The following CEP63 variants were observed in gnomAD, a reference collection of about 807,000 sequenced individuals.
CEP63 encodes the protein centrosomal protein 63, also known as centrosomal protein of 63 kDa.
A neutral mutation model predicts 89.1 loss-of-function variants in CEP63; 84 were observed. The observed-to-expected ratio is 0.94, with a 90% CI of 0.79 to 1.13. The LOEUF (loss-of-function observed/expected upper bound fraction) is 1.13, where lower values mean the gene tolerates loss of function less well. CEP63 is among the 50% of genes most tolerant of loss of function. The probability of loss-of-function intolerance (pLI) is 0.00; values close to 1 mark genes in which losing one functional copy is unlikely to be tolerated. For synonymous variants in CEP63, 267 were observed against 272.5 expected (o/e 0.98, Z 0.20); for missense variants, 838 against 813.3 (o/e 1.03, Z -0.37).
At chr3:134,628,129 G>A in the CEP63 span, 7 of 376,486 alleles carry the variant, frequency 1.9e-5, no homozygotes, top group South Asian at 2.4e-4. Context: ...GGAACCTGGT[G>A]TTCCTGCCCT....
At chr3:134,646,730 T>C in the CEP63 span, among the ~76,000 whole-genome samples, 935 of 152,300 alleles carry the variant, frequency 6.1e-3, 3 homozygotes, top group Non-Finnish European at 0.01. Flanking sequence ...ATCCTAGGGC[T>C]CACATAGCTG....
chr3:134,696,105 C>T, the CEP63 span, among the ~76,000 whole-genome samples: 8 of 152,158 alleles, frequency 5.3e-5, no homozygotes, highest in East Asian at 1.9e-4. Flanking sequence ...CACAGAGGAG[C>T]GTGTCATGTG....
chr3:134,507,013 C>A, intron 2 of CEP63, 96 bp from the exon 3 acceptor site: 8 of 731,170 alleles, frequency 1.1e-5, no homozygotes, highest in Non-Finnish European at 1.4e-5. Flanking sequence ...TTATTTACTT[C>A]AGGTAGATTT....
chr3:134,486,970 G>C (rs576411599), intron 1 of CEP63, among the ~76,000 whole-genome samples: 1 of 152,328 alleles, frequency 6.6e-6, no homozygotes, highest in South Asian at 2.1e-4. Context: ...GACATCAGGA[G>C]AGTAAAGATG....
At chr3:134,699,998 G>A in the CEP63 span, among the ~76,000 whole-genome samples, 1 of 152,252 alleles carries the variant, frequency 6.6e-6, no homozygotes, top group Non-Finnish European at 1.5e-5. Flanking sequence ...CATGTCAAGA[G>A]GCTCTCACTT....
chr3:134,614,422 C>A, the CEP63 span, among the ~76,000 whole-genome samples: 1 of 152,084 alleles, frequency 6.6e-6, no homozygotes, highest in Non-Finnish European at 1.5e-5. Context: ...ATGCCCTGAA[C>A]AAGCTGCCAA....
At chr3:134,593,254 CATT>C in the CEP63 span, among the ~76,000 whole-genome samples, 2 of 152,192 alleles carry the variant, frequency 1.3e-5, no homozygotes, top group South Asian at 2.1e-4. Context: ...GTGTCATCCT[CATT>C]ATGCTGATGA....
chr3:134,503,832 T>A (rs973799215), intron 2 of CEP63, among the ~76,000 whole-genome samples: 4 of 35,996 alleles, frequency 1.1e-4, no homozygotes, highest in African/African-American at 3.2e-4. Flanking sequence ...TACTCCTGCA[T>A]GTTTTTGGTT....
intron 3 of CEP63, among the ~76,000 whole-genome samples, chr3:134,513,998 C>G (rs9985341): frequency 0.66 from 100,237 of 151,998 alleles, 33,438 homozygotes; most frequent in East Asian, 0.81. Context: ...GACCAGGAGA[C>G]AAGACAACAC....
chr3:134,525,128 G>A (rs559979757), intron 3 of CEP63, among the ~76,000 whole-genome samples: 16 of 152,210 alleles, frequency 1.1e-4, no homozygotes, highest in African/African-American at 3.6e-4. Flanking sequence ...ATGTGTCCAC[G>A]AATTTATCCA....
chr3:134,565,105 T>G (rs1957693735), downstream of CEP63: 1 of 279,646 alleles, frequency 3.6e-6, no homozygotes, highest in Non-Finnish European at 5.4e-6. Flanking sequence ...ATGAAAAGAT[T>G]AGGGATTTGT....
the CEP63 span, chr3:134,620,742 G>A: frequency 3.1e-6 from 5 of 1,605,698 alleles, 1 homozygote; most frequent in South Asian, 4.4e-5. Flanking sequence ...TCCACAGGGG[G>A]GCCTACCTAT....
the CEP63 span, chr3:134,610,461 A>T: frequency 1.4e-5 from 19 of 1,311,772 alleles, no homozygotes; most frequent in Non-Finnish European, 2.0e-5. Context: ...CTCAGGTTTC[A>T]GGCATGTTTG....
the CEP63 span, among the ~76,000 whole-genome samples, chr3:134,594,510 T>C: frequency 6.6e-6 from 1 of 151,870 alleles, no homozygotes; most frequent in African/African-American, 2.4e-5. Context: ...ACGGCACTCC[T>C]CCCATTGATT....
the CEP63 span, among the ~76,000 whole-genome samples, chr3:134,680,030 G>C: frequency 1.3e-5 from 2 of 152,096 alleles, no homozygotes; most frequent in Non-Finnish European, 2.9e-5. Context: ...TGGCCAACTG[G>C]TGTTCTTATA....
chr3:134,661,807 G>GTC, the CEP63 span, among the ~76,000 whole-genome samples: 16 of 149,322 alleles, frequency 1.1e-4, no homozygotes, highest in Admixed American at 1.1e-3. Flanking sequence ...GAATATTTGT[G>GTC]CCCCCCCCCT....
chr3:134,629,638 T>A, the CEP63 span: 1 of 1,601,398 alleles, frequency 6.2e-7, no homozygotes, highest in Non-Finnish European at 8.5e-7. Flanking sequence ...CAAGGAGAAC[T>A]TCTTGAGCAG....
the CEP63 span, among the ~76,000 whole-genome samples, chr3:134,652,226 G>A: frequency 2.0e-5 from 3 of 152,126 alleles, no homozygotes; most frequent in Non-Finnish European, 4.4e-5. Context: ...TGAATGTAAG[G>A]CGCCTGGTGT....
At chr3:134,703,824 A>G in the CEP63 span, among the ~76,000 whole-genome samples, 10 of 152,190 alleles carry the variant, frequency 6.6e-5, no homozygotes, top group Non-Finnish European at 1.0e-4. Context: ...AAATATATAT[A>G]TTTTAAATGC....
Sources: allele counts gnomAD v4.1 joint callset (sites outside exome capture counted in the v4.1 genomes callset), GRCh38; gene constraint gnomAD v4.1.1; transcripts MANE v1.5; gene names NCBI Gene and HGNC (gene_info 2026-07-23, HGNC 2026-07-21).